The following GAB1 variants were observed in gnomAD, a reference collection of about 807,000 sequenced individuals.
The protein encoded by GAB1 is GRB2 associated binding protein 1.
Under a neutral mutation model 66.5 loss-of-function variants are expected in GAB1, and 19 were observed. The ratio of observed to expected loss-of-function variants is 0.29; its 90% CI spans 0.20 to 0.42. GAB1 has a LOEUF of 0.42. Among genes scored for constraint, GAB1 ranks in the 10% least tolerant of loss-of-function variants. GAB1 has a pLI of 1.00. For missense variants in GAB1, 732 were observed against 858.5 expected (o/e 0.85, Z 1.84); for synonymous variants, 294 against 301.4 (o/e 0.98, Z 0.25).
chr4:143,384,164 G>A (rs1730787693), intron 1 of GAB1, among the ~76,000 whole-genome samples: 1 of 152,128 alleles, frequency 6.6e-6, no homozygotes, highest in Non-Finnish European at 1.5e-5. Flanking sequence ...GGCTTAAAAG[G>A]GAAATTGAGA....
At chr4:143,356,989 CT>C in intron 1 of GAB1, among the ~76,000 whole-genome samples, 1 of 152,100 alleles carries the variant, frequency 6.6e-6, no homozygotes, top group East Asian at 1.9e-4. Flanking sequence ...TTTTATATAT[CT>C]TTAAAAGAGG....
Position 143,469,057 on chromosome 4 carries a change from T to A in GAB1, c.1953T>A (p.Ser651Arg). The A allele has an allele frequency of 1.2e-6, 2 of 1,614,168 alleles. No homozygotes were observed. The highest frequency in any genetic ancestry group is 1.7e-6 in the Non-Finnish European group (2 of 1,180,000). Reference protein sequence around the residue: ...RKQKSSGSGSSVADERVDYVV... With the variant: ...RKQKSSGSGSRVADERVDYVV... ...AAAAGAGCAGTGGCTCAGGCAGCAGTGTAGCAGATGAGAGAGTGGATTATG... is the reference window on the plus strand; with the variant it reads ...AAAAGAGCAGTGGCTCAGGCAGCAGAGTAGCAGATGAGAGAGTGGATTATG... Residue 651 changes from serine (S) to arginine (R), a missense_variant, in exon 10 of 10, where the codon AGT becomes AGA. Ser to Arg is a moderately radical substitution (Grantham distance 110). Coordinates refer to ENST00000262994, the MANE Select transcript of GAB1 (RefSeq NM_002039.4).
At chr4:143,338,775 A>C (rs1418739240) in intron 1 of GAB1, among the ~76,000 whole-genome samples, 2 of 151,530 alleles carry the variant, frequency 1.3e-5, no homozygotes, top group Non-Finnish European at 2.9e-5. Flanking sequence ...AGATAAATAT[A>C]TTTGTTTTGA....
intron 6 of GAB1, among the ~76,000 whole-genome samples, chr4:143,449,867 T>C (rs1734814549): frequency 6.6e-6 from 1 of 152,164 alleles, no homozygotes; most frequent in Non-Finnish European, 1.5e-5. Context: ...CATTAGTTGA[T>C]GCAGTTTCTT....
chr4:143,339,216 G>C (rs1728751423), intron 1 of GAB1, among the ~76,000 whole-genome samples: 1 of 152,230 alleles, frequency 6.6e-6, no homozygotes, highest in South Asian at 2.1e-4. Context: ...CAAATGTGGA[G>C]CTTAGACTAG....
chr4:143,459,767 T>C (rs927080016), intron 7 of GAB1, among the ~76,000 whole-genome samples: 1 of 152,192 alleles, frequency 6.6e-6, no homozygotes, highest in Non-Finnish European at 1.5e-5. Context: ...ACTTACGTTT[T>C]AAAAATATGT....
At chr4:143,462,850 CAG>C (rs1491467628) in intron 8 of GAB1, among the ~76,000 whole-genome samples, 1 of 152,038 alleles carries the variant, frequency 6.6e-6, no homozygotes, top group Non-Finnish European at 1.5e-5. Flanking sequence ...TTGGTAGAGA[CAG>C]GGTTTCATCA....
At chr4:143,466,416 G>C (rs1735790939) in intron 9 of GAB1, among the ~76,000 whole-genome samples, 191 bp downstream of exon 9, 1 of 150,032 alleles carries the variant, frequency 6.7e-6, no homozygotes, top group African/African-American at 2.5e-5. Flanking sequence ...CCTTTCTGAT[G>C]GTTAGAAATT....
chr4:143,399,572 A>C (rs1731642381), intron 1 of GAB1, among the ~76,000 whole-genome samples: 1 of 152,188 alleles, frequency 6.6e-6, no homozygotes, highest in Non-Finnish European at 1.5e-5. Flanking sequence ...CAGACAAAAG[A>C]ATAGAGAAGA....
At chr4:143,369,190 C>T (rs1262856924) in intron 1 of GAB1, among the ~76,000 whole-genome samples, 3 of 152,176 alleles carry the variant, frequency 2.0e-5, no homozygotes, top group Admixed American at 6.6e-5. Flanking sequence ...ATCCACCCAC[C>T]TTGGCCTCCC....
intron 2 of GAB1, among the ~76,000 whole-genome samples, chr4:143,421,698 C>CA (rs371821295): frequency 8.4e-6 from 1 of 118,692 alleles, no homozygotes; most frequent in Non-Finnish European, 1.8e-5. Flanking sequence ...CTTTTCTTTT[C>CA]TTTTTTTTTT....
intron 6 of GAB1, among the ~76,000 whole-genome samples, chr4:143,444,083 A>C (rs148469115): frequency 8.1e-4 from 124 of 152,356 alleles, no homozygotes; most frequent in African/African-American, 2.9e-3. Flanking sequence ...AATACAGGAC[A>C]AATTATATTT....
intron 9 of GAB1, among the ~76,000 whole-genome samples, chr4:143,467,770 A>G (rs7696619): frequency 0.42 from 63,544 of 151,866 alleles, 15,291 homozygotes; most frequent in African/African-American, 0.67. Context: ...TAGCTTGATG[A>G]GATATTCTCA....
intron 1 of GAB1, among the ~76,000 whole-genome samples, chr4:143,364,900 C>T (rs556770667): frequency 1.8e-3 from 201 of 111,644 alleles, no homozygotes; most frequent in Non-Finnish European, 2.9e-3. Flanking sequence ...TTTTTGGAGA[C>T]GGAGTCTCAC....
chr4:143,467,005 ACCTT>A (rs1199932486), intron 9 of GAB1, among the ~76,000 whole-genome samples: 2 of 152,076 alleles, frequency 1.3e-5, no homozygotes, highest in African/African-American at 4.8e-5. Flanking sequence ...TATTTCTCAG[ACCTT>A]CCTTCTGCAA....
At chr4:143,355,440 A>ACAG (rs1729405617) in intron 1 of GAB1, among the ~76,000 whole-genome samples, 1 of 151,726 alleles carries the variant, frequency 6.6e-6, no homozygotes, top group Admixed American at 6.6e-5. Context: ...CAAAACAACA[A>ACAG]CAACAACAAC....
rs992848534 is a variant in GAB1, at chr4:143,470,229, T to C, written c.*1040T>C. On this transcript the variant is annotated 3_prime_UTR_variant, in exon 10 of 10. Transcript: ENST00000262994. ...TGACACCATAGTGCCCTTTCTATGA[T>C]TTTTTTTACTTAATATTCTTCTTGG... 2.6e-5 allele frequency: 4 copies of C among 151,914 alleles called. No individual in the cohort carries two copies. Among genetic ancestry groups the C allele is most frequent in the African/African-American group, 9.7e-5 (4 of 41,212 alleles). 9.4% of individuals were successfully genotyped at this position (151,914 alleles called of 1,614,324 possible).
chr4:143,463,704 G>C (rs1490484402), intron 8 of GAB1, among the ~76,000 whole-genome samples: 2 of 151,698 alleles, frequency 1.3e-5, no homozygotes, highest in African/African-American at 4.8e-5. Context: ...TAGAATCTTA[G>C]AGTTTCTCTA....
intron 2 of GAB1, chr4:143,424,963 A>G: frequency 2.0e-6 from 1 of 496,472 alleles, no homozygotes; most frequent in South Asian, 2.0e-5. Flanking sequence ...TTAAAAAAAG[A>G]AAAAAAAAGG....
Sources: allele counts gnomAD v4.1 joint callset (sites outside exome capture counted in the v4.1 genomes callset), GRCh38; gene constraint gnomAD v4.1.1; transcripts MANE v1.5; gene names NCBI Gene and HGNC (gene_info 2026-07-23, HGNC 2026-07-21).